TACR3: variants seen among roughly 807,000 people sequenced by gnomAD.
TACR3 encodes the protein neuromedin-K receptor.
TACR3 carries 34 observed loss-of-function variants against 35.0 expected under a neutral mutation model. The observed-to-expected ratio is 0.97, with a 90% CI of 0.74 to 1.30. The LOEUF is 1.30. TACR3 is among the 50% of genes most tolerant of loss of function. TACR3 has a pLI of 0.00. For synonymous variants in TACR3, 233 were observed against 221.1 expected, an observed-to-expected ratio of 1.05 and a Z score of -0.48; for missense variants, 558 against 591.7, an observed-to-expected ratio of 0.94 and a Z score of 0.59.
At chr4:103,617,234 T>C (rs1340478689) in intron 3 of TACR3, among the ~76,000 whole-genome samples, 10 of 143,192 alleles carry the variant, frequency 7.0e-5, no homozygotes, top group African/African-American at 2.5e-4. Context: ...CATATTAAGG[T>C]ATCTACAGAA....
intron 3 of TACR3, among the ~76,000 whole-genome samples, chr4:103,632,516 C>T (rs1339846668): frequency 2.1e-5 from 3 of 146,238 alleles, no homozygotes; most frequent in African/African-American, 7.6e-5. Context: ...GGAAGGAGAA[C>T]AACATACAGC....
At chr4:103,618,903 T>C (rs112166640) in intron 3 of TACR3, among the ~76,000 whole-genome samples, 4 of 152,168 alleles carry the variant, frequency 2.6e-5, no homozygotes, top group African/African-American at 9.7e-5. Context: ...CCTGGAATGC[T>C]GGTATATAGA....
At chr4:103,706,982 C>T (rs1486092642) in intron 1 of TACR3, among the ~76,000 whole-genome samples, 1 of 152,168 alleles carries the variant, frequency 6.6e-6, no homozygotes. Context: ...ATCTTTGTAT[C>T]AAACCAGACC....
intron 1 of TACR3, among the ~76,000 whole-genome samples, chr4:103,704,803 C>A (rs1722748231): frequency 6.6e-6 from 1 of 152,120 alleles, no homozygotes; most frequent in Non-Finnish European, 1.5e-5. Flanking sequence ...CCCGACTATC[C>A]TCACTAGGGA....
At chr4:103,706,435 T>G (rs1402279677) in intron 1 of TACR3, among the ~76,000 whole-genome samples, 2 of 152,330 alleles carry the variant, frequency 1.3e-5, no homozygotes, top group East Asian at 3.9e-4. Flanking sequence ...AGATCTATAA[T>G]TTGTCAAATA....
rs932884275 is a variant in TACR3 at position 103,687,886 on chromosome 4, A to G, written c.549-29483T>C. On this transcript the variant is annotated intron_variant, in intron 1 of 4. Transcript: ENST00000304883. The stretch of plus-strand genomic sequence containing the variant: ...TACCAATGACTTTCTTCACAGAATT[A>G]GAAAAAACTACTTTAAAGTTCATAT... Among the ~76,000 whole-genome samples the G allele has an allele frequency of 3.0e-3, 449 of 152,166 alleles. 2 individuals are homozygous for G. Among genetic ancestry groups the G allele is most frequent in the African/African-American group, 0.01 (420 of 41,520 alleles).
Position 103,586,088 on chromosome 4 carries a change from C to T in TACR3, c.*3594G>A, listed in dbSNP as rs535420200. On this transcript the variant is annotated 3_prime_UTR_variant, in exon 5 of 5. Coordinates refer to ENST00000304883, the MANE Select transcript of TACR3 (RefSeq NM_001059.3). Reference sequence around the variant, plus strand: ...AAGAAAAAATAGAAATTAAATCTGTCACATTATCACATATGCAAAGGGTGT... The same window carrying T: ...AAGAAAAAATAGAAATTAAATCTGTTACATTATCACATATGCAAAGGGTGT... The T allele has an allele frequency of 3.0e-4, 45 of 152,074 alleles. No individual in the cohort carries two copies. Among genetic ancestry groups the T allele is most frequent in the South Asian group, 2.7e-3 (13 of 4,820 alleles). 9.4% of individuals were successfully genotyped at this position (152,074 alleles called of 1,614,324 possible). A position where few individuals can be genotyped will look rare whatever the true frequency, so the allele number is the denominator to read the frequency against.
intron 1 of TACR3, among the ~76,000 whole-genome samples, chr4:103,710,862 A>G (rs1028369758): frequency 6.6e-6 from 1 of 152,202 alleles, no homozygotes; most frequent in Non-Finnish European, 1.5e-5. Flanking sequence ...CACTATAAAC[A>G]CTTCTACGCA....
intron 1 of TACR3, among the ~76,000 whole-genome samples, chr4:103,670,890 C>T (rs114347274): frequency 0.01 from 1,593 of 152,092 alleles, 32 homozygotes; most frequent in African/African-American, 0.037. Flanking sequence ...TTGTCTTGTT[C>T]CAGATCTTAC....
chr4:103,654,587 C>G (rs1321646542), intron 3 of TACR3, among the ~76,000 whole-genome samples: 1 of 148,398 alleles, frequency 6.7e-6, no homozygotes, highest in Non-Finnish European at 1.5e-5. Context: ...AGGAGATATA[C>G]CTAATGCTAA....
At chr4:103,655,934 A>G (rs1301323802) in intron 3 of TACR3, among the ~76,000 whole-genome samples, 3 of 152,092 alleles carry the variant, frequency 2.0e-5, no homozygotes, top group Non-Finnish European at 4.4e-5. Context: ...ATTTCAGCAG[A>G]GTAATTAAGA....
intron 1 of TACR3, among the ~76,000 whole-genome samples, chr4:103,712,589 A>G (rs1018536647): frequency 2.6e-5 from 4 of 152,210 alleles, no homozygotes; most frequent in Admixed American, 2.6e-4. Context: ...CTAAAACACC[A>G]AAGGCAATGG....
At chr4:103,631,846 T>A (rs548075168) in intron 3 of TACR3, among the ~76,000 whole-genome samples, 1 of 152,202 alleles carries the variant, frequency 6.6e-6, no homozygotes. Context: ...TCTTGATCAG[T>A]GTTCTTTAAT....
At chr4:103,635,757 AT>A (rs1725173590) in intron 3 of TACR3, among the ~76,000 whole-genome samples, 1 of 147,760 alleles carries the variant, frequency 6.8e-6, no homozygotes, top group Non-Finnish European at 1.5e-5. Flanking sequence ...GATGTCTATA[AT>A]TGGAAGAGAA....
At chr4:103,650,140 A>G (rs550125591) in intron 3 of TACR3, among the ~76,000 whole-genome samples, 54 of 152,092 alleles carry the variant, frequency 3.6e-4, no homozygotes, top group Non-Finnish European at 6.2e-4. Context: ...AATTCTCTGG[A>G]TTTCCAGACA....
chr4:103,634,483 T>C (rs1285307810), intron 3 of TACR3, among the ~76,000 whole-genome samples: 6 of 151,096 alleles, frequency 4.0e-5, no homozygotes, highest in East Asian at 3.9e-4. Flanking sequence ...AAGGGCATGA[T>C]AGAATGCTGT....
rs1350324857 is a variant in TACR3, at chr4:103,589,410, G to T, written c.*272C>A. On this transcript the variant is annotated 3_prime_UTR_variant, in exon 5 of 5. Transcript: ENST00000304883. ...ATGAGATAGACTGGCGAGTTTACAA[G>T]TATTTTCCTGACATATTTTTGTTCA... The T allele has an allele frequency of 5.1e-6, 2 of 394,020 alleles. No homozygotes were observed. The highest frequency in any genetic ancestry group is 4.0e-5 in the African/African-American group (2 of 49,892). The allele number at this position is 394,020 out of a possible 1,614,324, so 24.4% of individuals were successfully genotyped here. A position where few individuals can be genotyped will look rare whatever the true frequency, so the allele number is the denominator to read the frequency against.
At chr4:103,684,240 A>C (rs778764862) in intron 1 of TACR3, among the ~76,000 whole-genome samples, 11 of 152,170 alleles carry the variant, frequency 7.2e-5, no homozygotes, top group Non-Finnish European at 1.5e-4. Flanking sequence ...AAAAGAATGG[A>C]TAGGCATACA....
intron 1 of TACR3, among the ~76,000 whole-genome samples, chr4:103,691,106 C>T (rs1400227779): frequency 6.6e-6 from 1 of 152,144 alleles, no homozygotes. Flanking sequence ...AATCTCACTC[C>T]TATTTTCTTG....
Sources: gnomAD v4.1 joint callset for allele counts (sites outside exome capture counted in the v4.1 genomes callset) on GRCh38, gnomAD v4.1.1 for gene constraint, MANE v1.5 for transcripts, NCBI Gene and HGNC (gene_info 2026-07-23, HGNC 2026-07-21) for gene names.